Variants in SRPK2 observed in about 807,000 individuals in gnomAD.
SRPK2 encodes the protein SFRS protein kinase 2.
SRPK2 carries 21 observed loss-of-function variants against 90.8 expected under a neutral mutation model. The observed-to-expected ratio is 0.23, with a 90% CI of 0.16 to 0.33. The LOEUF is 0.33. Among genes scored for constraint, SRPK2 ranks in the 10% least tolerant of loss-of-function variants. The pLI is 1.00. For missense variants in SRPK2, 620 were observed against 869.0 expected (o/e 0.71, Z 3.60); for synonymous variants, 288 against 311.1 (o/e 0.93, Z 0.78).
Position 105,125,952 on chromosome 7 carries a change from G to A in SRPK2, c.1915+296C>T, listed in dbSNP as rs921709631. ...TACACTGCATGCAGACACTACCACC[G>A]CCCGCGCAGACAGAAACAGAGCGCA... On this transcript the variant is annotated intron_variant, in intron 15 of 15. Transcript: ENST00000393651. 66 of 755,624 alleles carry A rather than the reference G, an allele frequency of 8.7e-5. 2 individuals carry two copies. In the South Asian group the frequency reaches 1.0e-3, roughly 11 times the overall value. 46.8% of individuals were successfully genotyped at this position (755,624 alleles called of 1,614,324 possible).
intron 6 of SRPK2, among the ~76,000 whole-genome samples, chr7:105,161,234 T>C (rs1807599447): frequency 6.6e-6 from 1 of 152,212 alleles, no homozygotes; most frequent in Non-Finnish European, 1.5e-5. Context: ...CCATATACTT[T>C]ATTTAAATCA....
intron 2 of SRPK2, among the ~76,000 whole-genome samples, chr7:105,362,859 T>C (rs1048684889): frequency 1.1e-4 from 17 of 152,322 alleles, no homozygotes; most frequent in African/African-American, 4.1e-4. Flanking sequence ...CGGAATACTA[T>C]GCAGCCATAA....
At chr7:105,298,183 C>G (rs1054278162) in intron 2 of SRPK2, among the ~76,000 whole-genome samples, 1 of 152,226 alleles carries the variant, frequency 6.6e-6, no homozygotes, top group Non-Finnish European at 1.5e-5. Context: ...ACAACCAACT[C>G]CTCTCCCACC....
chr7:105,242,549 A>G (rs911173029), intron 2 of SRPK2, among the ~76,000 whole-genome samples: 4 of 152,220 alleles, frequency 2.6e-5, no homozygotes, highest in Non-Finnish European at 5.9e-5. Context: ...CTGGAAATGT[A>G]TAAGCAAAGG....
chr7:105,334,358 G>T (rs750591306), intron 2 of SRPK2, among the ~76,000 whole-genome samples: 3 of 151,878 alleles, frequency 2.0e-5, no homozygotes, highest in South Asian at 4.2e-4. Context: ...GATTACAGGC[G>T]TGAGCCACCA....
chr7:105,375,482 G>A (rs891794277), intron 2 of SRPK2, among the ~76,000 whole-genome samples: 4 of 152,130 alleles, frequency 2.6e-5, no homozygotes, highest in African/African-American at 9.7e-5. Flanking sequence ...AGGAGTTTAA[G>A]ACTAACCTGG....
intron 2 of SRPK2, among the ~76,000 whole-genome samples, chr7:105,268,436 G>A (rs374907493): frequency 6.6e-6 from 1 of 152,160 alleles, no homozygotes; most frequent in Non-Finnish European, 1.5e-5. Flanking sequence ...TAATTCTGTA[G>A]AGCAGCAACC....
chr7:105,200,395 G>A (rs958737838), intron 3 of SRPK2, among the ~76,000 whole-genome samples: 1 of 151,962 alleles, frequency 6.6e-6, no homozygotes, highest in African/African-American at 2.4e-5. Context: ...ACAAAATTTG[G>A]GATAATCTAA....
chr7:105,222,174 A>C (rs962486801), intron 2 of SRPK2, among the ~76,000 whole-genome samples: 2 of 152,340 alleles, frequency 1.3e-5, no homozygotes, highest in African/African-American at 2.4e-5. Flanking sequence ...TACCAGAAGT[A>C]AAACTGCCAG....
intron 3 of SRPK2, among the ~76,000 whole-genome samples, chr7:105,181,524 T>C (rs536349072): frequency 1.3e-5 from 2 of 152,264 alleles, no homozygotes; most frequent in African/African-American, 2.4e-5. Context: ...CATGGAATAC[T>C]ATGTAGCTAT....
chr7:105,263,354 C>T (rs979251696), intron 2 of SRPK2, among the ~76,000 whole-genome samples: 2 of 151,858 alleles, frequency 1.3e-5, no homozygotes, highest in African/African-American at 4.8e-5. Context: ...ATGCTCATAG[C>T]AGCACTATTC....
At chr7:105,219,371 G>A (rs549320662) in intron 2 of SRPK2, among the ~76,000 whole-genome samples, 14 of 152,102 alleles carry the variant, frequency 9.2e-5, no homozygotes, top group East Asian at 1.9e-4. Flanking sequence ...ACAGGAATAC[G>A]GAGACTTCTT....
intron 2 of SRPK2, among the ~76,000 whole-genome samples, chr7:105,235,553 A>C (rs2129621062): frequency 6.6e-6 from 1 of 152,266 alleles, no homozygotes. Flanking sequence ...ATAACTACTC[A>C]TTCTCGTTCA....
At chr7:105,195,586 G>A (rs1794819378) in intron 3 of SRPK2, among the ~76,000 whole-genome samples, 1 of 152,170 alleles carries the variant, frequency 6.6e-6, no homozygotes, top group South Asian at 2.1e-4. Context: ...GAAAACACAA[G>A]CAGTTAGGGC....
chr7:105,211,374 G>A (rs751687988), intron 2 of SRPK2, among the ~76,000 whole-genome samples: 1 of 151,990 alleles, frequency 6.6e-6, no homozygotes, highest in Non-Finnish European at 1.5e-5. Flanking sequence ...TTGCTATAAG[G>A]AAATACCTGA....
chr7:105,352,454 G>A (rs564137433), intron 2 of SRPK2, among the ~76,000 whole-genome samples: 1 of 152,358 alleles, frequency 6.6e-6, no homozygotes, highest in South Asian at 2.1e-4. Context: ...AGATCCTCCA[G>A]CCTCAGCCAA....
At chr7:105,242,868 G>C (rs969191247) in intron 2 of SRPK2, among the ~76,000 whole-genome samples, 7 of 152,228 alleles carry the variant, frequency 4.6e-5, no homozygotes, top group African/African-American at 1.7e-4. Context: ...CTGAACATGA[G>C]GAATGGAAAG....
chr7:105,317,657 A>G (rs1210379604), intron 2 of SRPK2, among the ~76,000 whole-genome samples: 1 of 152,230 alleles, frequency 6.6e-6, no homozygotes. Flanking sequence ...AACAGACTGA[A>G]GGCAGACACA....
In SRPK2 at chr7:105,385,171, A is replaced by ATTTT. The variant is rs767913304; in HGVS notation, c.71+3473_71+3476dup. Among the ~76,000 whole-genome samples the ATTTT allele has an allele frequency of 7.1e-3, 355 of 49,682 alleles. 67 individuals carry two copies. Among genetic ancestry groups the ATTTT allele is most frequent in the African/African-American group, 0.034 (344 of 10,242 alleles). The allele number at this position is 49,682 out of a possible 152,430, so 32.6% of individuals were successfully genotyped here. On this transcript the variant is annotated intron_variant, in intron 2 of 15. Coordinates refer to ENST00000393651, the MANE Select transcript of SRPK2 (RefSeq NM_182692.3). ...ACAGGCGTGAGCCACCGCGCCCGGC[A>ATTTT]TTTTTTTTTTTTTTTTTTTTTTTTT... is the stretch of plus-strand genomic sequence containing the variant.
Sources: allele counts gnomAD v4.1 joint callset (sites outside exome capture counted in the v4.1 genomes callset), GRCh38; gene constraint gnomAD v4.1.1; transcripts MANE v1.5; gene names NCBI Gene and HGNC (gene_info 2026-07-23, HGNC 2026-07-21).